HHAT: variants seen among roughly 807,000 people sequenced by gnomAD.
HHAT encodes protein-cysteine N-palmitoyltransferase HHAT.
A neutral mutation model predicts 70.8 loss-of-function variants in HHAT; 47 were observed. The observed-to-expected ratio is 0.66, with a 90% CI of 0.53 to 0.85. The LOEUF (loss-of-function observed/expected upper bound fraction) is 0.85. Among genes scored for constraint, HHAT ranks in the 40% least tolerant of loss-of-function variants. The pLI is 0.00. For synonymous variants in HHAT, 228 were observed against 247.6 expected (o/e 0.92, Z 0.74); for missense variants, 609 against 604.8 (o/e 1.01, Z -0.07).
intron 9 of HHAT, among the ~76,000 whole-genome samples, chr1:210,540,527 T>A (rs919148730): frequency 2.4e-5 from 2 of 84,288 alleles, no homozygotes; most frequent in Non-Finnish European, 5.8e-5. Flanking sequence ...ACACACGCTC[T>A]CTCTCTCTCT....
rs71146226 is a variant in HHAT, at chr1:210,494,542, C to CTTTT, written c.1008-18587_1008-18584dup. 7.6e-3 allele frequency among the ~76,000 whole-genome samples: 630 copies of CTTTT among 82,818 alleles called. 93 individuals carry two copies. The highest frequency in any genetic ancestry group is 0.028 in the African/African-American group (541 of 19,628). 54.3% of individuals were successfully genotyped at this position (82,818 alleles called of 152,430 possible). A position where few individuals can be genotyped will look rare whatever the true frequency, so the allele number is the denominator to read the frequency against. Reference sequence around the variant, plus strand: ...AGATCAGGAGTTCAGTTTGAAATAGCTTTTTTTTTTTTTTTTTTTTTTTTT... The same window carrying CTTTT: ...AGATCAGGAGTTCAGTTTGAAATAGCTTTTTTTTTTTTTTTTTTTTTTTTTTTTT... On this transcript the variant is annotated intron_variant, in intron 8 of 11. Transcript: ENST00000261458.
At chr1:210,405,196 G>T (rs991867498) in intron 6 of HHAT, among the ~76,000 whole-genome samples, 2 of 152,160 alleles carry the variant, frequency 1.3e-5, no homozygotes, top group African/African-American at 4.8e-5. Context: ...GAAGGCAGTG[G>T]TGTGTGTTCA....
intron 1 of HHAT, among the ~76,000 whole-genome samples, chr1:210,341,707 A>G (rs1192230456): frequency 6.6e-6 from 1 of 152,246 alleles, no homozygotes; most frequent in East Asian, 1.9e-4. Flanking sequence ...AAGTGGCTCC[A>G]GTATAGAAAA....
chr1:210,355,152 G>T (rs1398846381), intron 2 of HHAT, among the ~76,000 whole-genome samples: 1 of 152,024 alleles, frequency 6.6e-6, no homozygotes, highest in Non-Finnish European at 1.5e-5. Context: ...TATTTATTTT[G>T]GTTTATGTAT....
chr1:210,403,461 A>C lies in HHAT; in HGVS notation c.469-1003A>C, dbSNP rs559073508. Among the ~76,000 whole-genome samples, 267 of 152,350 alleles carry C rather than the reference A, an allele frequency of 1.8e-3. 1 individual carries two copies. The highest frequency in any genetic ancestry group is 6.2e-3 in the African/African-American group (257 of 41,584). The stretch of plus-strand genomic sequence containing the variant: ...CAAATTTTACAGTGATTTGAAAAAC[A>C]CTGAGGAAGGAGATCATGTGATTAG... On this transcript the variant is annotated intron_variant, in intron 5 of 11. Coordinates refer to ENST00000261458, the MANE Select transcript of HHAT (RefSeq NM_018194.6).
intron 9 of HHAT, among the ~76,000 whole-genome samples, chr1:210,523,886 C>G (rs552234178): frequency 1.5e-4 from 23 of 152,310 alleles, no homozygotes; most frequent in African/African-American, 5.1e-4. Flanking sequence ...AGACAATGTT[C>G]CTGCCCTCTC....
chr1:210,619,615 G>T (rs1668451349), intron 10 of HHAT, among the ~76,000 whole-genome samples: 1 of 152,122 alleles, frequency 6.6e-6, no homozygotes. Context: ...GACCTTTTGG[G>T]CAGGACGGCT....
chr1:210,604,077 T>C lies in HHAT; in HGVS notation c.1245+15978T>C, dbSNP rs1032297247. The stretch of plus-strand genomic sequence containing the variant: ...GCAGCTATTAACAGTGATGTTAAGA[T>C]AGTTTTTTTGTTTTGTTTTGTTTTG... On this transcript the variant is annotated intron_variant, in intron 10 of 11. Transcript: ENST00000261458. Among the ~76,000 whole-genome samples, 9 of 152,112 alleles carry C rather than the reference T, an allele frequency of 5.9e-5. No individual in the cohort carries two copies. In the South Asian group the frequency reaches 1.0e-3, roughly 18 times the overall value.
chr1:210,406,438 G>T (rs1275879094), intron 6 of HHAT, among the ~76,000 whole-genome samples: 1 of 150,178 alleles, frequency 6.7e-6, no homozygotes, highest in African/African-American at 2.5e-5. Context: ...CTGTCACCCA[G>T]GCTGGAGTGC....
At chr1:210,331,435 C>T (rs767181476) in intron 1 of HHAT, among the ~76,000 whole-genome samples, 17 of 152,158 alleles carry the variant, frequency 1.1e-4, no homozygotes, top group Non-Finnish European at 2.2e-4. Flanking sequence ...TGACTTTAAT[C>T]CAGAATGTAT....
chr1:210,436,876 A>G (rs971573367), intron 7 of HHAT, among the ~76,000 whole-genome samples: 1 of 151,758 alleles, frequency 6.6e-6, no homozygotes, highest in Non-Finnish European at 1.5e-5. Flanking sequence ...AGGAACCCCA[A>G]ATGGCTGGGT....
chr1:210,502,669 T>G (rs185056744), intron 8 of HHAT, among the ~76,000 whole-genome samples: 208 of 152,292 alleles, frequency 1.4e-3, no homozygotes, highest in African/African-American at 4.8e-3. Flanking sequence ...TAATATACAA[T>G]CCCTATTTTC....
intron 3 of HHAT, among the ~76,000 whole-genome samples, chr1:210,386,484 C>T (rs111851518): frequency 0.022 from 3,290 of 151,398 alleles, 120 homozygotes; most frequent in African/African-American, 0.074. Flanking sequence ...GTGATCCGCC[C>T]GCCTCGGCCT....
At chr1:210,642,803 T>C (rs934647698) in intron 11 of HHAT, among the ~76,000 whole-genome samples, 1 of 152,202 alleles carries the variant, frequency 6.6e-6, no homozygotes, top group Non-Finnish European at 1.5e-5. Context: ...TTCCATTTTT[T>C]ACTCTTTTAA....
intron 9 of HHAT, among the ~76,000 whole-genome samples, chr1:210,564,539 T>A (rs577721072): frequency 3.1e-4 from 47 of 152,346 alleles, no homozygotes; most frequent in Non-Finnish European, 6.0e-4. Context: ...CCTATTCTTA[T>A]AAGAAGTATG....
chr1:210,526,354 C>A (rs1264893776), intron 9 of HHAT, among the ~76,000 whole-genome samples: 1 of 86,274 alleles, frequency 1.2e-5, no homozygotes, highest in Non-Finnish European at 2.3e-5. Flanking sequence ...ATAAACTAAC[C>A]AGAGTGGGTT....
intron 11 of HHAT, among the ~76,000 whole-genome samples, chr1:210,653,211 G>A (rs529497830): frequency 2.0e-5 from 3 of 152,286 alleles, no homozygotes; most frequent in Non-Finnish European, 4.4e-5. Flanking sequence ...AGTGTGTGTA[G>A]TACTTAGGTT....
intron 11 of HHAT, among the ~76,000 whole-genome samples, chr1:210,627,239 G>T (rs1385567883): frequency 6.6e-6 from 1 of 152,120 alleles, no homozygotes; most frequent in African/African-American, 2.4e-5. Flanking sequence ...GAGGAGATTT[G>T]CACACACCTC....
At chr1:210,501,194 G>A (rs1282518941) in intron 8 of HHAT, among the ~76,000 whole-genome samples, 1 of 152,206 alleles carries the variant, frequency 6.6e-6, no homozygotes, top group Non-Finnish European at 1.5e-5. Flanking sequence ...CTAATGCCAT[G>A]CCTGGCACAT....
Sources: gnomAD v4.1 joint callset for allele counts (sites outside exome capture counted in the v4.1 genomes callset) on GRCh38, gnomAD v4.1.1 for gene constraint, MANE v1.5 for transcripts, NCBI Gene and HGNC (gene_info 2026-07-23, HGNC 2026-07-21) for gene names.